ITGA9: variants seen among roughly 807,000 people sequenced by gnomAD.
ITGA9 encodes integrin alpha-9.
Under a neutral mutation model 127.8 loss-of-function variants are expected in ITGA9, and 56 were observed. The observed-to-expected ratio is 0.44, with a 90% confidence interval of 0.35 to 0.55. The LOEUF is 0.55. ITGA9 is among the 20% of genes least tolerant of loss of function. The pLI is 0.00. For missense variants in ITGA9, 1,196 were observed against 1,347.1 expected, an observed-to-expected ratio of 0.89 and a Z score of 1.76; for synonymous variants, 508 against 514.5, an observed-to-expected ratio of 0.99 and a Z score of 0.17.
chr3:37,548,371 C>G (rs771146256), intron 15 of ITGA9, among the ~76,000 whole-genome samples: 7 of 152,084 alleles, frequency 4.6e-5, no homozygotes, highest in Non-Finnish European at 5.9e-5. Flanking sequence ...ATTCTAAGAT[C>G]GTGGTTGTAG....
At chr3:37,764,404 C>T (rs1457982587) in intron 23 of ITGA9, among the ~76,000 whole-genome samples, 1 of 143,870 alleles carries the variant, frequency 7.0e-6, no homozygotes, top group Non-Finnish European at 1.5e-5. Context: ...AATTTCTCTA[C>T]ACCAACTTCT....
At chr3:37,517,685 G>A (rs891578743) in intron 10 of ITGA9, 76 bp downstream of exon 10, 13 of 1,052,562 alleles carry the variant, frequency 1.2e-5, no homozygotes, top group Admixed American at 4.0e-5. Flanking sequence ...CAGCCTGCTC[G>A]CTGACTGTCC....
chr3:37,656,521 G>T (rs1023661832), intron 17 of ITGA9, among the ~76,000 whole-genome samples: 4 of 152,164 alleles, frequency 2.6e-5, no homozygotes, highest in Admixed American at 2.0e-4. Context: ...AGGAATGCTT[G>T]TGATTTTTGC....
intron 15 of ITGA9, among the ~76,000 whole-genome samples, chr3:37,623,899 A>C (rs1357463177): frequency 1.3e-5 from 2 of 152,178 alleles, no homozygotes; most frequent in East Asian, 3.8e-4. Context: ...AAGGCATCCC[A>C]CTTCTGAAGA....
intron 15 of ITGA9, among the ~76,000 whole-genome samples, chr3:37,572,326 T>C (rs1026899791): frequency 3.3e-5 from 5 of 152,166 alleles, no homozygotes; most frequent in African/African-American, 1.2e-4. Flanking sequence ...ATGAACTGAA[T>C]GGGAGTTCAC....
rs114953663 is a variant in ITGA9, at chr3:37,543,095, C to T, written c.1689+510C>T. ...TGCATTTTTTGGCAACCTTTCCCCTCGCACTCTAAATAAACTTGCAAATGT... is the reference window on the plus strand; with the variant it reads ...TGCATTTTTTGGCAACCTTTCCCCTTGCACTCTAAATAAACTTGCAAATGT... On this transcript the variant is annotated intron_variant, in intron 15 of 27. Transcript: ENST00000264741. 4.3e-3 allele frequency among the ~76,000 whole-genome samples: 657 copies of T among 152,336 alleles called. 8 individuals carry two copies. The highest frequency in any genetic ancestry group is 0.015 in the African/African-American group (632 of 41,580).
At chr3:37,686,505 A>G (rs1284262349) in intron 18 of ITGA9, among the ~76,000 whole-genome samples, 4 of 152,148 alleles carry the variant, frequency 2.6e-5, no homozygotes, top group Non-Finnish European at 4.4e-5. Flanking sequence ...GTCAAAGACA[A>G]TGTGCCTGGG....
intron 15 of ITGA9, among the ~76,000 whole-genome samples, chr3:37,620,227 G>A (rs1049659041): frequency 1.3e-5 from 2 of 152,204 alleles, no homozygotes; most frequent in Non-Finnish European, 2.9e-5. Flanking sequence ...TGCAGGCTTC[G>A]CTGGAGGAGA....
chr3:37,621,569 G>A (rs942823905), intron 15 of ITGA9, among the ~76,000 whole-genome samples: 11 of 152,078 alleles, frequency 7.2e-5, no homozygotes, highest in African/African-American at 1.9e-4. Flanking sequence ...CCCAGCCCCC[G>A]ACACACACAC....
chr3:37,705,472 C>T (rs185984594), intron 18 of ITGA9, among the ~76,000 whole-genome samples: 3 of 152,332 alleles, frequency 2.0e-5, no homozygotes, highest in African/African-American at 7.2e-5. Context: ...AAATGGCATA[C>T]CAGGTTTTTG....
intron 1 of ITGA9, among the ~76,000 whole-genome samples, chr3:37,457,627 G>A (rs1698275134): frequency 6.6e-6 from 1 of 152,174 alleles, no homozygotes; most frequent in African/African-American, 2.4e-5. Context: ...TTCAGACATT[G>A]TTCCTGGTCC....
At chr3:37,693,861 T>C (rs1700857181) in intron 18 of ITGA9, among the ~76,000 whole-genome samples, 1 of 152,208 alleles carries the variant, frequency 6.6e-6, no homozygotes, top group South Asian at 2.1e-4. Context: ...TGATTTTCAT[T>C]GTGTTCTGCT....
intron 26 of ITGA9, chr3:37,790,386 C>T (rs1391386903): frequency 5.5e-5 from 27 of 488,304 alleles, no homozygotes; most frequent in Admixed American, 4.0e-4. Context: ...TGCTGATTTC[C>T]CATTCTGCTC....
chr3:37,672,292 T>A (rs887144616), intron 17 of ITGA9, among the ~76,000 whole-genome samples: 38 of 152,114 alleles, frequency 2.5e-4, no homozygotes, highest in Middle Eastern at 3.2e-3. Flanking sequence ...GGGAGGTAAA[T>A]AAATCATGGG....
rs930656191 is a variant in ITGA9 at position 37,799,918 on chromosome 3, T to C, written c.2890-3905T>C. Among the ~76,000 whole-genome samples the C allele has an allele frequency of 2.6e-5, 4 of 152,180 alleles. No homozygotes were observed. The highest frequency in any genetic ancestry group is 2.0e-4 in the Admixed American group (3 of 15,282). On this transcript the variant is annotated intron_variant, in intron 26 of 27. Transcript: ENST00000264741. The surrounding 1 kb of genome is among the most constrained non-coding windows in gnomAD (Gnocchi z 4.0). ...TGTCGTCCATGCTGCTGTTCCTTCC[T>C]TAGAGTTTTGTTTTTTAATCTAAGA...
At chr3:37,587,878 A>C (rs9311160) in intron 15 of ITGA9, among the ~76,000 whole-genome samples, 97,222 of 152,108 alleles carry the variant, frequency 0.64, 31,436 homozygotes, top group East Asian at 0.74. Context: ...ACATTTCATT[A>C]TTTTATGTTA....
intron 18 of ITGA9, among the ~76,000 whole-genome samples, chr3:37,694,870 T>C (rs1379005509): frequency 6.6e-6 from 1 of 152,098 alleles, no homozygotes; most frequent in Non-Finnish European, 1.5e-5. Context: ...TTTTCAAAAA[T>C]CGAGAACTTC....
chr3:37,702,163 G>A (rs1366175153), intron 18 of ITGA9, among the ~76,000 whole-genome samples: 1 of 152,154 alleles, frequency 6.6e-6, no homozygotes, highest in African/African-American at 2.4e-5. Flanking sequence ...CTGAGTGATA[G>A]TCACGGTAAT....
intron 15 of ITGA9, among the ~76,000 whole-genome samples, chr3:37,556,122 T>C (rs1029742887): frequency 7.9e-5 from 12 of 152,218 alleles, no homozygotes; most frequent in Non-Finnish European, 1.5e-4. Flanking sequence ...TCTTCCTGCT[T>C]AGCATGGCAG....
Sources: gnomAD v4.1 joint callset for allele counts (sites outside exome capture counted in the v4.1 genomes callset) on GRCh38, gnomAD v4.1.1 for gene constraint, Gnocchi (gnomAD v3.1) non-coding constraint, MANE v1.5 for transcripts, NCBI Gene and HGNC (gene_info 2026-07-23, HGNC 2026-07-21) for gene names.